Variants in TSFM observed in about 807,000 individuals in gnomAD.
The protein encoded by TSFM is Ts translation elongation factor, mitochondrial.
TSFM carries 29 observed loss-of-function variants against 33.4 expected under a neutral mutation model. The ratio of observed to expected loss-of-function variants is 0.87; its 90% CI spans 0.65 to 1.18. The LOEUF (loss-of-function observed/expected upper bound fraction) is 1.18. TSFM is among the 50% of genes most tolerant of loss of function. The pLI is 0.00. For synonymous variants in TSFM, 178 were observed against 163.5 expected, an observed-to-expected ratio of 1.09 and a Z score of -0.68; for missense variants, 394 against 395.6, an observed-to-expected ratio of 1.00 and a Z score of 0.04.
Position 57,796,910 on chromosome 12 carries a change from AGAACTCTTTTG to A in TSFM, c.*328_*338del, listed in dbSNP as rs552820013. 35 of 1,010,226 alleles carry A rather than the reference AGAACTCTTTTG, an allele frequency of 3.5e-5. No homozygotes were observed. In the South Asian group the frequency reaches 1.5e-3, roughly 44 times the overall value. The allele number at this position is 1,010,226 out of a possible 1,614,324, so 62.6% of individuals were successfully genotyped here. ...TTCTGTCTTACACCTTTTATGACAT[AGAACTCTTTTG>A]TTCTGTTTTTGCTTTGCGACACTGT... On this transcript the variant is annotated 3_prime_UTR_variant, in exon 6 of 6. Transcript: ENST00000652027.
chr12:57,784,919 T>A, intron 2 of TSFM, among the ~76,000 whole-genome samples: 1 of 71,572 alleles, frequency 1.4e-5, no homozygotes, highest in Non-Finnish European at 3.4e-5. Flanking sequence ...GAAATATCTT[T>A]TTTTTTTTTT....
rs186247515 is a variant in TSFM, at chr12:57,784,869, A to G, written c.232-1294A>G. ...CACTCCAGCCTGGGCAATAAGAGTG[A>G]AACTCTGTCTCAAAAAAAAAAACAA... On this transcript the variant is annotated intron_variant, in intron 2 of 5. Coordinates refer to ENST00000652027, the MANE Select transcript of TSFM (RefSeq NM_005726.6). Among the ~76,000 whole-genome samples, 82 of 151,272 alleles carry G rather than the reference A, an allele frequency of 5.4e-4. 1 individual carries two copies. In the East Asian group the frequency reaches 0.016, roughly 29 times the overall value.
At chr12:57,801,574 T>C (rs1267626619), downstream of TSFM, among the ~76,000 whole-genome samples, 5 of 152,136 alleles carry the variant, frequency 3.3e-5, no homozygotes, top group Non-Finnish European at 1.5e-5. Context: ...ACCCCATCTC[T>C]ACTAAAAATA....
chr12:57,791,431 C>A (rs1380486002), intron 4 of TSFM, among the ~76,000 whole-genome samples: 5 of 152,146 alleles, frequency 3.3e-5, no homozygotes, highest in Non-Finnish European at 1.5e-5. Context: ...CTACCCCGTT[C>A]CTATCCATCC....
chr12:57,795,831 G>A (rs1272774121), intron 5 of TSFM, among the ~76,000 whole-genome samples: 1 of 151,954 alleles, frequency 6.6e-6, no homozygotes, highest in Non-Finnish European at 1.5e-5. Context: ...GGCCAGGCTG[G>A]TCTTGAATTC....
chr12:57,782,796 AGAGAGATGTCGC>A lies in TSFM; in HGVS notation c.-5_7del. Reference sequence around the variant, plus strand: ...CCGCCGGAGGGTGTTTATCGCGGCTAGAGAGATGTCGCTGCTGCGGTCGCTGCGCGTGTTTCT... The same window carrying A: ...CCGCCGGAGGGTGTTTATCGCGGCTATGCTGCGGTCGCTGCGCGTGTTTCT... On this transcript the variant is annotated start_lost and 5_prime_UTR_variant, in exon 1 of 6. Transcript: ENST00000652027. 6.3e-7 allele frequency: 1 copy of A among 1,588,202 alleles called. No individual in the cohort carries two copies. The highest frequency in any genetic ancestry group is 8.6e-7 in the Non-Finnish European group (1 of 1,167,968).
intron 4 of TSFM, among the ~76,000 whole-genome samples, chr12:57,787,545 G>A (rs1955606726): frequency 6.6e-6 from 1 of 152,194 alleles, no homozygotes; most frequent in South Asian, 2.1e-4. Context: ...ATGCATGCAT[G>A]CCAGTGAAAT....
At chr12:57,802,098 C>T, downstream of TSFM, 1 of 1,555,784 alleles carries the variant, frequency 6.4e-7, no homozygotes, top group Non-Finnish European at 8.8e-7. Flanking sequence ...CACCTTCCTG[C>T]CCACTGAGCT....
chr12:57,795,628 T>G (rs1350309063), intron 5 of TSFM, among the ~76,000 whole-genome samples: 1 of 152,128 alleles, frequency 6.6e-6, no homozygotes, highest in Non-Finnish European at 1.5e-5. Context: ...TTTTTTTGTT[T>G]TTTTTGTTTT....
At chr12:57,799,166 T>C (rs545947537), downstream of TSFM, among the ~76,000 whole-genome samples, 3 of 152,216 alleles carry the variant, frequency 2.0e-5, no homozygotes, top group East Asian at 3.9e-4. Flanking sequence ...GGAGGTGATA[T>C]TAGAGCTGAG....
In TSFM at chr12:57,783,232, C is replaced by T. The variant is rs1313245544; in HGVS notation, c.180C>T (p.Ser60=). The T allele has an allele frequency of 2.5e-6, 4 of 1,613,906 alleles. No individual in the cohort carries two copies. Among genetic ancestry groups the T allele is most frequent in the Admixed American group, 3.3e-5 (2 of 60,024 alleles). Residue 60 remains serine, a synonymous_variant, in exon 2 of 6, where the codon TCC becomes TCT. Transcript: ENST00000652027. ...LMKLRRKTGY[S]FVNCKKALET... ...AGCTGCGGCGGAAAACAGGCTACTC[C>T]TTTGTAAATTGCAAGAAAGCTCTGG...
At chr12:57,797,667 A>G, downstream of TSFM, 1 of 733,316 alleles carries the variant, frequency 1.4e-6, no homozygotes, top group Non-Finnish European at 1.8e-6. Context: ...AGAGGGCCAC[A>G]AAACCCAAAA....
downstream of TSFM, chr12:57,799,724 A>G (rs187256855): frequency 5.6e-6 from 9 of 1,602,274 alleles, no homozygotes; most frequent in Admixed American, 1.0e-4. Flanking sequence ...GTCCTAGGCC[A>G]TTTGCTGAGC....
At chr12:57,791,295 C>T (rs957975855) in intron 4 of TSFM, among the ~76,000 whole-genome samples, 1 of 152,296 alleles carries the variant, frequency 6.6e-6, no homozygotes, top group East Asian at 1.9e-4. Context: ...CAGGCGTGGG[C>T]CACCGCGCCC....
intron 2 of TSFM, among the ~76,000 whole-genome samples, chr12:57,784,733 A>C (rs1955566222): frequency 6.6e-6 from 1 of 151,778 alleles, no homozygotes; most frequent in African/African-American, 2.4e-5. Context: ...AAATAAAATT[A>C]GCCTGGTGTG....
downstream of TSFM, chr12:57,797,768 ATATCT>A (rs773124390): frequency 1.5e-4 from 127 of 867,704 alleles, no homozygotes; most frequent in Non-Finnish European, 1.9e-4. Context: ...AGACTCTATT[ATATCT>A]AAATTAAGTA....
At chr12:57,783,554 C>G (rs1372178464) in intron 2 of TSFM, 1 of 644,324 alleles carries the variant, frequency 1.6e-6, no homozygotes. Flanking sequence ...TCAGATTGTT[C>G]AGGAGTCAAA....
rs759604491 is a variant in TSFM, at chr12:57,787,026, A to G, written c.361-14A>G. 12 of 1,612,482 alleles carry G rather than the reference A, an allele frequency of 7.4e-6. No homozygotes were observed. Among genetic ancestry groups the G allele is most frequent in the South Asian group, 2.2e-5 (2 of 90,904 alleles). On this transcript the variant is annotated splice_polypyrimidine_tract_variant and intron_variant, in intron 3 of 5. Coordinates refer to ENST00000652027, the MANE Select transcript of TSFM (RefSeq NM_005726.6). Reference sequence around the variant, plus strand: ...TTAAACAGCTTATACAGCTATATCAATTTGTTCCCACAGGTAAACTGTGAG... The same window carrying G: ...TTAAACAGCTTATACAGCTATATCAGTTTGTTCCCACAGGTAAACTGTGAG...
intron 5 of TSFM, among the ~76,000 whole-genome samples, chr12:57,795,085 A>G (rs1049629998): frequency 2.2e-5 from 3 of 137,732 alleles, no homozygotes; most frequent in East Asian, 4.3e-4. Context: ...ATATATATAT[A>G]TATGTATATA....
Sources: allele counts gnomAD v4.1 joint callset (sites outside exome capture counted in the v4.1 genomes callset), GRCh38; gene constraint gnomAD v4.1.1; transcripts MANE v1.5; gene names NCBI Gene and HGNC (gene_info 2026-07-23, HGNC 2026-07-21).